PLXDC2: variants seen among roughly 807,000 people sequenced by gnomAD.
PLXDC2 encodes the protein plexin domain-containing protein 2.
Under a neutral mutation model 68.9 loss-of-function variants are expected in PLXDC2, and 40 were observed. The ratio of observed to expected loss-of-function variants is 0.58; its 90% confidence interval spans 0.45 to 0.76. The LOEUF (loss-of-function observed/expected upper bound fraction) is 0.76, where lower values mean the gene tolerates loss of function less well. PLXDC2 is among the 30% of genes least tolerant of loss of function. PLXDC2 has a pLI of 0.00. For synonymous variants in PLXDC2, 243 were observed against 234.2 expected, an observed-to-expected ratio of 1.04 and a Z score of -0.34; for missense variants, 644 against 661.9, an observed-to-expected ratio of 0.97 and a Z score of 0.30.
At chr10:20,002,667 T>C (rs924838079) in intron 2 of PLXDC2, among the ~76,000 whole-genome samples, 1 of 152,118 alleles carries the variant, frequency 6.6e-6, no homozygotes, top group Non-Finnish European at 1.5e-5. Flanking sequence ...GTGATGAAAC[T>C]GCTTGGGATT....
intron 4 of PLXDC2, among the ~76,000 whole-genome samples, chr10:20,071,667 T>C (rs939108999): frequency 1.3e-5 from 2 of 152,140 alleles, no homozygotes; most frequent in African/African-American, 4.8e-5. Context: ...AATTACCCAG[T>C]CTTGGGTATG....
intron 2 of PLXDC2, among the ~76,000 whole-genome samples, chr10:20,027,442 A>T (rs1453265934): frequency 6.6e-6 from 1 of 152,164 alleles, no homozygotes; most frequent in Admixed American, 6.6e-5. Context: ...TGAGGATGCA[A>T]CGAGAAGGCC....
chr10:20,124,792 T>A (rs891783763), intron 4 of PLXDC2, among the ~76,000 whole-genome samples: 1 of 151,748 alleles, frequency 6.6e-6, no homozygotes, highest in Non-Finnish European at 1.5e-5. Context: ...CACAAGACAT[T>A]GTCATCAGTT....
intron 4 of PLXDC2, among the ~76,000 whole-genome samples, chr10:20,074,594 A>G (rs141208763): frequency 4.3e-4 from 65 of 152,284 alleles, no homozygotes; most frequent in African/African-American, 1.4e-3. Flanking sequence ...TTCAGGAAAT[A>G]TATTACCAAA....
At chr10:20,206,255 T>C (rs778068990) in intron 9 of PLXDC2, among the ~76,000 whole-genome samples, 6 of 152,020 alleles carry the variant, frequency 3.9e-5, no homozygotes, top group East Asian at 1.9e-4. Flanking sequence ...ACTCAAACAA[T>C]TGGATTCCAA....
chr10:19,935,382 A>G (rs1174773089), intron 1 of PLXDC2, among the ~76,000 whole-genome samples: 1 of 152,198 alleles, frequency 6.6e-6, no homozygotes, highest in African/African-American at 2.4e-5. Context: ...GAAATTTGCC[A>G]TACTGCAACC....
chr10:19,972,453 G>T (rs1834371096), intron 1 of PLXDC2, among the ~76,000 whole-genome samples: 1 of 152,146 alleles, frequency 6.6e-6, no homozygotes, highest in South Asian at 2.1e-4. Context: ...GAGGGTGAAG[G>T]GTGGGAGGAG....
intron 13 of PLXDC2, among the ~76,000 whole-genome samples, chr10:20,275,811 G>C (rs1588557037): frequency 1.3e-5 from 2 of 152,226 alleles, no homozygotes; most frequent in African/African-American, 4.8e-5. Flanking sequence ...TACTCAGGAG[G>C]CTGAGATGTG....
At chr10:19,948,922 G>C (rs1351205579) in intron 1 of PLXDC2, among the ~76,000 whole-genome samples, 1 of 151,886 alleles carries the variant, frequency 6.6e-6, no homozygotes, top group East Asian at 1.9e-4. Context: ...ACGAGGTCAA[G>C]CGATCGAGAT....
chr10:20,241,603 T>A (rs1835517021), intron 12 of PLXDC2, among the ~76,000 whole-genome samples: 1 of 151,776 alleles, frequency 6.6e-6, no homozygotes, highest in South Asian at 2.1e-4. Flanking sequence ...CTGGGCAATA[T>A]AGTGAGAATC....
At chr10:19,981,063 TTG>T (rs1018672916) in intron 1 of PLXDC2, among the ~76,000 whole-genome samples, 5 of 152,190 alleles carry the variant, frequency 3.3e-5, no homozygotes, top group South Asian at 2.1e-4. Flanking sequence ...TTAAAAAATC[TTG>T]TGTTATTTTT....
At chr10:20,189,167 A>G (rs1834726002) in intron 9 of PLXDC2, among the ~76,000 whole-genome samples, 1 of 75,422 alleles carries the variant, frequency 1.3e-5, no homozygotes, top group African/African-American at 3.2e-5. Flanking sequence ...AAAGTGTACT[A>G]ATTATTTTTG....
intron 1 of PLXDC2, among the ~76,000 whole-genome samples, chr10:19,881,462 C>A (rs904689246): frequency 2.0e-5 from 3 of 151,952 alleles, no homozygotes; most frequent in Non-Finnish European, 4.4e-5. Flanking sequence ...CCCATTGACT[C>A]CTTTACACCG....
intron 4 of PLXDC2, among the ~76,000 whole-genome samples, chr10:20,132,824 C>A (rs1833885678): frequency 1.3e-5 from 2 of 151,700 alleles, no homozygotes; most frequent in Admixed American, 6.6e-5. Flanking sequence ...AGAATGTAAT[C>A]CATACATTTA....
At chr10:20,075,371 G>A (rs1278124122) in intron 4 of PLXDC2, among the ~76,000 whole-genome samples, 1 of 151,928 alleles carries the variant, frequency 6.6e-6, no homozygotes, top group Admixed American at 6.6e-5. Flanking sequence ...AGATTTTTTT[G>A]TAGAGATGGA....
At chr10:19,886,729 C>G (rs1837853262) in intron 1 of PLXDC2, among the ~76,000 whole-genome samples, 1 of 152,134 alleles carries the variant, frequency 6.6e-6, no homozygotes, top group African/African-American at 2.4e-5. Flanking sequence ...CAGGGATGCC[C>G]TCTCTCACCA....
At chr10:19,880,288 T>G (rs1837704508) in intron 1 of PLXDC2, among the ~76,000 whole-genome samples, 1 of 152,224 alleles carries the variant, frequency 6.6e-6, no homozygotes, top group South Asian at 2.1e-4. Flanking sequence ...ATGGGGCATA[T>G]GTACCAAGAC....
intron 1 of PLXDC2, among the ~76,000 whole-genome samples, chr10:19,879,179 G>A (rs10508601): frequency 0.045 from 6,775 of 152,164 alleles, 191 homozygotes; most frequent in Middle Eastern, 0.12. Flanking sequence ...TGATAGGATA[G>A]GTAATTAAGA....
chr10:19,951,339 C>T (rs1833988573), intron 1 of PLXDC2, among the ~76,000 whole-genome samples: 1 of 152,090 alleles, frequency 6.6e-6, no homozygotes, highest in Non-Finnish European at 1.5e-5. Context: ...CATAAGCAGA[C>T]ACTTCTCAAA....
Sources: allele counts gnomAD v4.1 joint callset (sites outside exome capture counted in the v4.1 genomes callset), GRCh38; gene constraint gnomAD v4.1.1; transcripts MANE v1.5; gene names NCBI Gene and HGNC (gene_info 2026-07-23, HGNC 2026-07-21).